RGS21: variants seen among roughly 807,000 people sequenced by gnomAD.
RGS21 encodes regulator of G protein signaling 21.
In RGS21, 19 loss-of-function variants were observed where a neutral mutation model predicts 18.7. The observed-to-expected ratio is 1.01, with a 90% CI of 0.71 to 1.49. RGS21 has a LOEUF of 1.49. Ranked by LOEUF, RGS21 falls within the 40% of genes most tolerant of loss-of-function variation. The probability of loss-of-function intolerance (pLI) is 0.00; values close to 1 mark genes in which losing one functional copy is unlikely to be tolerated. For synonymous variants in RGS21, 56 were observed against 57.8 expected, an observed-to-expected ratio of 0.97 and a Z score of 0.14; for missense variants, 194 against 176.8, an observed-to-expected ratio of 1.10 and a Z score of -0.55.
Position 192,326,043 on chromosome 1 carries a change from T to C in RGS21, c.-61+8938T>C, listed in dbSNP as rs113661215. Among the ~76,000 whole-genome samples the C allele has an allele frequency of 5.1e-4, 77 of 152,212 alleles. 1 individual carries two copies. Among genetic ancestry groups the C allele is most frequent in the African/African-American group, 1.7e-3 (71 of 41,558 alleles). On this transcript the variant is annotated intron_variant, in intron 1 of 4. Transcript: ENST00000417209. ...TTATTAAGATAAAATATGGCTCTTCTGCGACTCATAATGGATACTTGAAAG... is the reference window on the plus strand; with the variant it reads ...TTATTAAGATAAAATATGGCTCTTCCGCGACTCATAATGGATACTTGAAAG...
rs983064380 is a variant in RGS21, at chr1:192,333,734, G to A, written c.-60-9243G>A. Among the ~76,000 whole-genome samples the A allele has an allele frequency of 1.1e-3, 162 of 149,790 alleles. 1 individual carries two copies. The highest frequency in any genetic ancestry group is 3.0e-3 in the African/African-American group (123 of 40,992). On this transcript the variant is annotated intron_variant, in intron 1 of 4. Coordinates refer to ENST00000417209, the MANE Select transcript of RGS21 (RefSeq NM_001039152.3). ...GCATAACATAAGGGAGATCTTTGAT[G>A]TAATGGAATAGTTCTGTGTCTTGAC...
intron 2 of RGS21, among the ~76,000 whole-genome samples, chr1:192,346,380 GATAT>G (rs1408975819): frequency 2.6e-5 from 4 of 152,086 alleles, no homozygotes; most frequent in African/African-American, 9.6e-5. Flanking sequence ...TAAGAATTGC[GATAT>G]ATGAGTTTTT....
At chr1:192,353,804 T>C (rs1659077210) in intron 4 of RGS21, among the ~76,000 whole-genome samples, 1 of 151,714 alleles carries the variant, frequency 6.6e-6, no homozygotes, top group African/African-American at 2.4e-5. Flanking sequence ...CAGCTTTTTA[T>C]AGATTGTACA....
chr1:192,355,136 T>A (rs977947604), intron 4 of RGS21, among the ~76,000 whole-genome samples: 1 of 151,692 alleles, frequency 6.6e-6, no homozygotes, highest in African/African-American at 2.4e-5. Context: ...AGACCTGGGT[T>A]CAAATCCTGA....
intron 4 of RGS21, among the ~76,000 whole-genome samples, chr1:192,361,496 C>A (rs1055807870): frequency 1.3e-5 from 2 of 152,150 alleles, no homozygotes; most frequent in Non-Finnish European, 2.9e-5. Context: ...GAATACTTAA[C>A]ATTATCAGAA....
intron 4 of RGS21, among the ~76,000 whole-genome samples, chr1:192,358,738 G>A (rs559196573): frequency 1.2e-4 from 18 of 152,064 alleles, no homozygotes; most frequent in Middle Eastern, 6.8e-3. Context: ...CACAGATTAC[G>A]GTCACAAGAG....
chr1:192,333,628 C>CAAAAAAAA lies in RGS21; in HGVS notation c.-60-9328_-60-9321dup, dbSNP rs376989840. On this transcript the variant is annotated intron_variant, in intron 1 of 4. Transcript: ENST00000417209. ...TATTTTTATAATATTCTCAAAATGACAAAAAAAAAAAAAAAAAAAAAAAAA... is the reference window on the plus strand; with the variant it reads ...TATTTTTATAATATTCTCAAAATGACAAAAAAAAAAAAAAAAAAAAAAAAAAAAAAAAA... 9.8e-5 allele frequency among the ~76,000 whole-genome samples: 10 copies of CAAAAAAAA among 102,406 alleles called. 1 individual carries two copies. The highest frequency in any genetic ancestry group is 1.6e-4 in the Non-Finnish European group (8 of 50,192). 67.2% of individuals were successfully genotyped at this position (102,406 alleles called of 152,430 possible).
chr1:192,328,153 G>A (rs769870877), intron 1 of RGS21, among the ~76,000 whole-genome samples: 9 of 152,170 alleles, frequency 5.9e-5, no homozygotes, highest in Non-Finnish European at 1.2e-4. Flanking sequence ...ATGGACACAC[G>A]TGATTGATCC....
chr1:192,341,210 C>T (rs920441702), intron 1 of RGS21, among the ~76,000 whole-genome samples: 6 of 152,054 alleles, frequency 3.9e-5, no homozygotes, highest in African/African-American at 1.4e-4. Context: ...TTTCTCCCCT[C>T]TTAAAAGGTC....
chr1:192,330,505 C>T (rs1658631006), intron 1 of RGS21, among the ~76,000 whole-genome samples: 1 of 152,154 alleles, frequency 6.6e-6, no homozygotes, highest in Non-Finnish European at 1.5e-5. Flanking sequence ...TGAAAGTCAT[C>T]TTAAAAGGTT....
chr1:192,330,808 C>G (rs940941636), intron 1 of RGS21, among the ~76,000 whole-genome samples: 1 of 152,148 alleles, frequency 6.6e-6, no homozygotes, highest in East Asian at 1.9e-4. Flanking sequence ...AACTCTGAAG[C>G]TTTTAATTTC....
At chr1:192,350,593 C>T (rs1432162682) in intron 3 of RGS21, among the ~76,000 whole-genome samples, 3 of 152,172 alleles carry the variant, frequency 2.0e-5, no homozygotes, top group African/African-American at 4.8e-5. Flanking sequence ...AAACCACCAA[C>T]GTTCTGGAAG....
intron 2 of RGS21, among the ~76,000 whole-genome samples, chr1:192,346,321 CT>C (rs1422421788): frequency 6.6e-6 from 1 of 152,022 alleles, no homozygotes; most frequent in Non-Finnish European, 1.5e-5. Context: ...TCACTTCACA[CT>C]AGTATGTTTA....
At chr1:192,354,471 A>G (rs1463957723) in intron 4 of RGS21, among the ~76,000 whole-genome samples, 1 of 151,764 alleles carries the variant, frequency 6.6e-6, no homozygotes, top group East Asian at 1.9e-4. Flanking sequence ...GATATTGCTA[A>G]TGTGAGTAGA....
At chr1:192,339,561 T>A (rs1172462771) in intron 1 of RGS21, among the ~76,000 whole-genome samples, 1 of 152,002 alleles carries the variant, frequency 6.6e-6, no homozygotes, top group Non-Finnish European at 1.5e-5. Context: ...GGAATCACCA[T>A]TCTTTCAAGC....
At chr1:192,351,471 G>A (rs1395883558) in intron 3 of RGS21, among the ~76,000 whole-genome samples, 1 of 151,840 alleles carries the variant, frequency 6.6e-6, no homozygotes, top group Non-Finnish European at 1.5e-5. Context: ...CCTGAATTGA[G>A]TATAACATAA....
intron 4 of RGS21, among the ~76,000 whole-genome samples, chr1:192,359,672 T>TATATATATAC (rs1212838341): frequency 6.8e-6 from 1 of 147,180 alleles, no homozygotes; most frequent in African/African-American, 2.5e-5. Flanking sequence ...TATATATATA[T>TATATATATAC]ATATATTCCT....
At chr1:192,352,304 A>G in intron 4 of RGS21, 91 bp downstream of exon 4, 1 of 851,214 alleles carries the variant, frequency 1.2e-6, no homozygotes, top group Admixed American at 3.1e-5. Flanking sequence ...AAGATAATCA[A>G]ATTCTCAGTA....
At chr1:192,349,231 T>G (rs1440334449) in intron 3 of RGS21, among the ~76,000 whole-genome samples, 3 of 152,122 alleles carry the variant, frequency 2.0e-5, no homozygotes, top group African/African-American at 7.2e-5. Context: ...AAGGGTGAGA[T>G]GAAGGCAAAC....
Sources: allele counts gnomAD v4.1 joint callset (sites outside exome capture counted in the v4.1 genomes callset), GRCh38; gene constraint gnomAD v4.1.1; transcripts MANE v1.5; gene names NCBI Gene and HGNC (gene_info 2026-07-23, HGNC 2026-07-21).